The following ATP13A2 variants were observed in gnomAD, a reference collection of about 807,000 sequenced individuals.
The protein encoded by ATP13A2 is ATPase cation transporting 13A2, also known as polyamine-transporting ATPase 13A2.
A neutral mutation model predicts 138.3 loss-of-function variants in ATP13A2; 83 were observed. The observed-to-expected ratio is 0.60, with a 90% CI of 0.50 to 0.72. ATP13A2 has a LOEUF of 0.72. ATP13A2 is among the 30% of genes least tolerant of loss of function. ATP13A2 has a pLI of 0.00. For missense variants in ATP13A2, 1,402 were observed against 1,606.4 expected, an observed-to-expected ratio of 0.87 and a Z score of 2.17; for synonymous variants, 663 against 699.0, an observed-to-expected ratio of 0.95 and a Z score of 0.81.
rs762253735 is a variant in ATP13A2 at position 17,005,716 on chromosome 1, T to C, written c.73A>G (p.Ile25Val). 14 of 1,613,740 alleles carry C rather than the reference T, an allele frequency of 8.7e-6. No homozygotes were observed. Among genetic ancestry groups the C allele is most frequent in the East Asian group, 4.5e-5 (2 of 44,886 alleles). ...GAAACTGAGGAGCTGAGGGGATCTA[T>C]TGATGTCCCTATCGTCAGGGTCCCA... The part of the protein sequence containing the change: ...GYGTLTIGTS[I>V]DPLSSSVSSV... The change falls in exon 2 of 29, where the codon ATA becomes GTA. Residue 25 changes from isoleucine (I) to valine (V), a missense_variant. By Grantham distance (29) the Ile-to-Val change is conservative. Coordinates refer to ENST00000326735, the MANE Select transcript of ATP13A2 (RefSeq NM_022089.4).
Position 16,989,980 on chromosome 1 carries a change from G to A in ATP13A2, c.2436C>T (p.Tyr812=), listed in dbSNP as rs905157690. 3 of 1,610,464 alleles carry A rather than the reference G, an allele frequency of 1.9e-6. No individual in the cohort carries two copies. Among genetic ancestry groups the A allele is most frequent in the Admixed American group, 3.4e-5 (2 of 59,274 alleles). Reference sequence around the variant, plus strand: ...TGGATCGGGGGTCTGGCTCCACGGTGTAGCTTGCAGCCTGGTCAGGATCCT... The same window carrying A: ...TGGATCGGGGGTCTGGCTCCACGGTATAGCTTGCAGCCTGGTCAGGATCCT... The part of the protein sequence containing the change: ...GVKDPDQAAS[Y]TVEPDPRSRH... The change falls in exon 22 of 29, where the codon TAC becomes TAT. Residue 812 remains tyrosine, a synonymous_variant. Coordinates refer to ENST00000326735, the MANE Select transcript of ATP13A2 (RefSeq NM_022089.4).
At chr1:17,002,190 G>C in intron 7 of ATP13A2, 87 bp from the exon 8 acceptor site, 7 of 1,575,602 alleles carry the variant, frequency 4.4e-6, no homozygotes, top group Non-Finnish European at 6.0e-6. Flanking sequence ...CTTTCAGCTG[G>C]GGGAACTGAG....
At chr1:16,994,751 C>T (rs1031108815) in intron 15 of ATP13A2, among the ~76,000 whole-genome samples, 1 of 152,026 alleles carries the variant, frequency 6.6e-6, no homozygotes, top group Admixed American at 6.6e-5. Flanking sequence ...CAACCTCTGC[C>T]TCCCGGGTTC....
chr1:16,987,052 T>C lies in ATP13A2; in HGVS notation c.3077A>G (p.Gln1026Arg), dbSNP rs1226572397. Residue 1026 changes from glutamine (Q) to arginine (R), a missense_variant, in exon 26 of 29, where the codon CAG (glutamine) becomes CGG (arginine). Transcript: ENST00000326735. ...QLGGYFLTLA[Q>R]PWFVPLNRTV... The stretch of plus-strand genomic sequence containing the variant: ...CAGTCAGCTCCCTACTCACCATGGC[T>C]GGGCCAGGGTCAGGAAGTAGCCCCC... 2 of 1,613,374 alleles carry C rather than the reference T, an allele frequency of 1.2e-6. No homozygotes were observed. The highest frequency in any genetic ancestry group is 1.7e-6 in the Non-Finnish European group (2 of 1,179,930).
intron 8 of ATP13A2, among the ~76,000 whole-genome samples, chr1:17,001,269 A>G (rs1284229845): frequency 6.6e-6 from 1 of 150,916 alleles, no homozygotes; most frequent in Non-Finnish European, 1.5e-5. Context: ...AATACAAAAA[A>G]AAAAAAAAAT....
chr1:16,992,515 G>A lies in ATP13A2; in HGVS notation c.1816C>T (p.Pro606Ser), dbSNP rs1411576168. The change falls in exon 17 of 29, where the codon CCA becomes TCA. Residue 606 changes from proline to serine, a missense_variant. Transcript: ENST00000326735. ...GTQVLAVMRP[P>S]LWEPQLQAME... ...GCCTGCAGCTGGGGCTCCCAAAGTG[G>A]GGGTCTCATCACTGCCAAGACCTGG... 6.2e-7 allele frequency: 1 copy of A among 1,614,124 alleles called. No individual in the cohort carries two copies. Among genetic ancestry groups the A allele is most frequent in the Admixed American group, 1.7e-5 (1 of 60,022 alleles).
rs943308193 is a variant in ATP13A2 at position 16,985,967 on chromosome 1, A to C, written c.*254T>G. 6.9e-7 allele frequency: 1 copy of C among 1,439,794 alleles called. No homozygotes were observed. Among genetic ancestry groups the C allele is most frequent in the African/African-American group, 1.4e-5 (1 of 69,318 alleles). 89.2% of individuals were successfully genotyped at this position (1,439,794 alleles called of 1,614,324 possible). On this transcript the variant is annotated 3_prime_UTR_variant, in exon 29 of 29. Transcript: ENST00000326735. ...AGACAGGCACAGCAGAGCCAGGAAA[A>C]TATCATGACTTTATTTGCTACACTG...
intron 11 of ATP13A2, 76 bp from the exon 12 acceptor site, chr1:16,997,251 T>C: frequency 1.9e-6 from 3 of 1,572,746 alleles, no homozygotes; most frequent in Non-Finnish European, 2.6e-6. Context: ...TGTGTAGAAT[T>C]GTCCCACAAG....
rs552045038 is a variant in ATP13A2, at chr1:16,986,011, G to A, written c.*210C>T. The A allele has an allele frequency of 3.4e-6, 5 of 1,458,136 alleles. No individual in the cohort carries two copies. In the South Asian group the frequency reaches 7.3e-5, roughly 21 times the overall value. The allele number at this position is 1,458,136 out of a possible 1,614,324, so 90.3% of individuals were successfully genotyped here. A position where few individuals can be genotyped will look rare whatever the true frequency, so the allele number is the denominator to read the frequency against. ...TACACTGACAGCAGCACTGAGGGGA[G>A]CTGGGGGCTGCCACCCCTACGCGGG... On this transcript the variant is annotated 3_prime_UTR_variant, in exon 29 of 29. Coordinates refer to ENST00000326735, the MANE Select transcript of ATP13A2 (RefSeq NM_022089.4). This position sits in a 1 kb window ranked among gnomAD's most constrained non-coding sequence, Gnocchi z 6.9.
At chr1:16,991,894 A>G in intron 19 of ATP13A2, 36 bp from the exon 20 acceptor site, 5 of 1,613,858 alleles carry the variant, frequency 3.1e-6, no homozygotes, top group Non-Finnish European at 4.2e-6. Context: ...GAGGTCATGC[A>G]GTGGCCAGGG....
chr1:17,000,911 C>A, intron 8 of ATP13A2: 1 of 218,584 alleles, frequency 4.6e-6, no homozygotes. Context: ...CACTGCACTC[C>A]AGCCTGAGTG....
chr1:16,993,599 G>A lies in ATP13A2; in HGVS notation c.1749+30C>T, dbSNP rs940016350. The A allele has an allele frequency of 6.4e-6, 10 of 1,556,128 alleles. No individual in the cohort carries two copies. The African/African-American group carries it at 1.4e-4, about 21-fold the overall frequency. On this transcript the variant is annotated intron_variant, in intron 16 of 28. Coordinates refer to ENST00000326735, the MANE Select transcript of ATP13A2 (RefSeq NM_022089.4). ...ATTCGTTAGGCCCCACTGCCCAGAGGCAGGGGGCTGACCTGCTTGGCCTCC... is the reference window on the plus strand; with the variant it reads ...ATTCGTTAGGCCCCACTGCCCAGAGACAGGGGGCTGACCTGCTTGGCCTCC...
intron 1 of ATP13A2, among the ~76,000 whole-genome samples, chr1:17,007,437 A>G (rs1039567982): frequency 1.3e-5 from 2 of 152,138 alleles, no homozygotes; most frequent in Admixed American, 1.3e-4. Flanking sequence ...TGGTTTCACA[A>G]GAGCCTCTGA....
rs1363021915 is a variant in ATP13A2, at chr1:16,986,983, G to A, written c.3084-27C>T. ...TGGGGGTACAGGGATGGGGGTCAGGGAACGAACGTGGGGTGGACAGGGAAG... is the reference window on the plus strand; with the variant it reads ...TGGGGGTACAGGGATGGGGGTCAGGAAACGAACGTGGGGTGGACAGGGAAG... On this transcript the variant is annotated intron_variant, in intron 26 of 28. Transcript: ENST00000326735. This position sits in a 1 kb window ranked among gnomAD's most constrained non-coding sequence, Gnocchi z 6.9. 1.2e-6 allele frequency: 2 copies of A among 1,601,942 alleles called. No homozygotes were observed. The highest frequency in any genetic ancestry group is 2.2e-5 in the East Asian group (1 of 44,538).
chr1:16,997,416 G>GT (rs1034451347), intron 11 of ATP13A2, among the ~76,000 whole-genome samples: 3 of 143,986 alleles, frequency 2.1e-5, no homozygotes, highest in African/African-American at 7.6e-5. Context: ...GGAACCAGCG[G>GT]GGGGGGGTGG....
intron 20 of ATP13A2, among the ~76,000 whole-genome samples, chr1:16,991,489 C>T (rs1250606760): frequency 3.9e-5 from 6 of 152,224 alleles, no homozygotes; most frequent in Middle Eastern, 3.2e-3. Context: ...TGTCTGACAG[C>T]GCACATGGGT....
rs1452453335 is a variant in ATP13A2 at position 16,986,934 on chromosome 1, C to T, written c.3106G>A (p.Val1036Met). Residue 1036 changes from valine (V) to methionine (M), a missense_variant, in exon 27 of 29, where the codon GTG becomes ATG. By Grantham distance (21) the Val-to-Met change is conservative. Transcript: ENST00000326735. This position sits in a 1 kb window ranked among gnomAD's most constrained non-coding sequence, Gnocchi z 6.9. ...QPWFVPLNRT[V>M]AAPDNLPNYE... ...TTGGGCAGGTTGTCTGGTGCGGCCACTGTCCTGTTCAGAGGCACGAACCTG... is the reference window on the plus strand; with the variant it reads ...TTGGGCAGGTTGTCTGGTGCGGCCATTGTCCTGTTCAGAGGCACGAACCTG... The T allele has an allele frequency of 1.2e-6, 2 of 1,613,560 alleles. No individual in the cohort carries two copies. The highest frequency in any genetic ancestry group is 8.5e-7 in the Non-Finnish European group (1 of 1,179,918).
At position 16,992,265 on chromosome 1, in the gene ATP13A2, T is replaced by C. The variant is rs751726416; in HGVS notation, c.1983A>G (p.Ala661=). Reference sequence around the variant, plus strand: ...CACCTGTCTCGGGGTTGCAGAGCCCTGCCACCAGCTCCGGGGAGCCTTTGA... The same window carrying C: ...CACCTGTCTCGGGGTTGCAGAGCCCCGCCACCAGCTCCGGGGAGCCTTTGA... The part of the protein sequence containing the change: ...AYVKGSPELV[A]GLCNPETVPT... The change falls in exon 18 of 29, where the codon GCA becomes GCG. Residue 661 remains alanine (A), a synonymous_variant. Coordinates refer to ENST00000326735, the MANE Select transcript of ATP13A2 (RefSeq NM_022089.4). 5.6e-6 allele frequency: 9 copies of C among 1,612,548 alleles called. No homozygotes were observed. In the East Asian group the frequency reaches 1.8e-4, roughly 32 times the overall value.
At chr1:16,996,996 C>T in intron 12 of ATP13A2, 24 bp downstream of exon 12, 1 of 1,608,098 alleles carries the variant, frequency 6.2e-7, no homozygotes, top group Non-Finnish European at 8.5e-7. Flanking sequence ...GGATCTCTCT[C>T]AAGCCCAGCC....
Sources: gnomAD v4.1 joint callset for allele counts (sites outside exome capture counted in the v4.1 genomes callset) on GRCh38, gnomAD v4.1.1 for gene constraint, Gnocchi (gnomAD v3.1) non-coding constraint, MANE v1.5 for transcripts, NCBI Gene and HGNC (gene_info 2026-07-23, HGNC 2026-07-21) for gene names.